Variants in PDE1C observed in about 807,000 individuals in gnomAD.
PDE1C encodes the protein dual specificity calcium/calmodulin-dependent 3',5'-cyclic nucleotide phosphodiesterase 1C.
PDE1C carries 62 observed loss-of-function variants against 93.1 expected under a neutral mutation model. The ratio of observed to expected loss-of-function variants is 0.67; its 90% CI spans 0.54 to 0.82. The LOEUF is 0.82. Among genes scored for constraint, PDE1C ranks in the 40% least tolerant of loss-of-function variants. The probability of loss-of-function intolerance (pLI) is 0.00; values close to 1 mark genes in which losing one functional copy is unlikely to be tolerated. For missense variants in PDE1C, 742 were observed against 884.6 expected, an observed-to-expected ratio of 0.84 and a Z score of 2.04; for synonymous variants, 325 against 310.1, an observed-to-expected ratio of 1.05 and a Z score of -0.50.
intron 7 of PDE1C, among the ~76,000 whole-genome samples, chr7:31,853,671 G>A (rs928018353): frequency 1.5e-4 from 1 of 6,862 alleles, no homozygotes; most frequent in Non-Finnish European, 6.0e-3. Flanking sequence ...GAGGAGAGAA[G>A]GGAGATAAAA....
intron 1 of PDE1C, among the ~76,000 whole-genome samples, chr7:32,060,607 A>G (rs1395365389): frequency 6.6e-6 from 1 of 152,246 alleles, no homozygotes; most frequent in African/African-American, 2.4e-5. Context: ...TCTTCTGTCA[A>G]CTGAAATCAG....
At chr7:32,397,371 G>A (rs569801469) in intron 1 of PDE1C, among the ~76,000 whole-genome samples, 33 of 152,038 alleles carry the variant, frequency 2.2e-4, no homozygotes, top group African/African-American at 6.5e-4. Context: ...TAACTACCCC[G>A]AGATACCATT....
At chr7:31,771,971 G>T (rs1795514193) in intron 17 of PDE1C, among the ~76,000 whole-genome samples, 6 of 151,868 alleles carry the variant, frequency 4.0e-5, no homozygotes, top group Admixed American at 2.6e-4. Flanking sequence ...GCGTGAACCT[G>T]GGAGGCGGAG....
chr7:32,385,520 A>G (rs540302426), intron 1 of PDE1C, among the ~76,000 whole-genome samples: 1 of 152,294 alleles, frequency 6.6e-6, no homozygotes, highest in African/African-American at 2.4e-5. Flanking sequence ...ACAAGCAAGC[A>G]TGATTGGGAC....
intron 2 of PDE1C, among the ~76,000 whole-genome samples, chr7:31,915,873 T>A (rs1345717131): frequency 6.6e-6 from 1 of 152,156 alleles, no homozygotes; most frequent in Non-Finnish European, 1.5e-5. Flanking sequence ...AGACTTGTAT[T>A]TTTTTATGAT....
intron 13 of PDE1C, among the ~76,000 whole-genome samples, chr7:31,823,533 A>C (rs186305010): frequency 6.0e-4 from 91 of 152,140 alleles, no homozygotes; most frequent in African/African-American, 2.1e-3. Context: ...GAATCCCCTC[A>C]TGTGAATTTT....
chr7:32,047,138 T>C (rs528905013), intron 2 of PDE1C, among the ~76,000 whole-genome samples: 3 of 151,660 alleles, frequency 2.0e-5, no homozygotes, highest in Admixed American at 1.3e-4. Context: ...TCAGCTCTGA[T>C]AGCAATTCCT....
rs552639097 is a variant in PDE1C, at chr7:32,258,306, C to T, written c.85+40345G>A. ...TCTCGGAATTAACTTATATCCTAGC[C>T]AAAGGTGTAGCACATTATAGGCATT... On this transcript the variant is annotated intron_variant, in intron 1 of 18. Transcript: ENST00000396193. 2.0e-5 allele frequency among the ~76,000 whole-genome samples: 3 copies of T among 152,254 alleles called. No individual in the cohort carries two copies. In the South Asian group the frequency reaches 6.2e-4, roughly 32 times the overall value.
chr7:31,617,859 A>AGAGAGTTACTT, the PDE1C span, among the ~76,000 whole-genome samples: 1 of 152,222 alleles, frequency 6.6e-6, no homozygotes, highest in African/African-American at 2.4e-5. Context: ...CCTATTAAGA[A>AGAGAGTTACTT]GAGAGTTACT....
chr7:32,085,783 G>A (rs1797032022), intron 3 of PDE1C, among the ~76,000 whole-genome samples: 1 of 151,544 alleles, frequency 6.6e-6, no homozygotes, highest in African/African-American at 2.4e-5. Context: ...TGCAGAAAAG[G>A]CCTTTGACAA....
At chr7:32,420,124 TACACACACACACACACACAC>T (rs1156625491) in intron 1 of PDE1C, among the ~76,000 whole-genome samples, 91 of 13,052 alleles carry the variant, frequency 7.0e-3, no homozygotes, top group Middle Eastern at 0.038. Context: ...TATATATATA[TACACACACACACACACACAC>T]ACACACACAC....
chr7:32,192,378 A>G (rs1804293126), intron 2 of PDE1C, among the ~76,000 whole-genome samples: 1 of 152,136 alleles, frequency 6.6e-6, no homozygotes, highest in African/African-American at 2.4e-5. Flanking sequence ...TTTAATGTGT[A>G]AGACAGGTCA....
At chr7:32,371,265 C>G (rs1374079800) in intron 1 of PDE1C, among the ~76,000 whole-genome samples, 1 of 152,192 alleles carries the variant, frequency 6.6e-6, no homozygotes, top group Non-Finnish European at 1.5e-5. Flanking sequence ...ACTCAAATAT[C>G]ACTTCCTCAG....
chr7:32,243,524 A>G (rs1808691462), intron 1 of PDE1C, among the ~76,000 whole-genome samples: 1 of 152,218 alleles, frequency 6.6e-6, no homozygotes, highest in South Asian at 2.1e-4. Flanking sequence ...CAAACTGCAC[A>G]CCAGACATCA....
chr7:32,275,783 C>T (rs1462332577), intron 1 of PDE1C, among the ~76,000 whole-genome samples: 15 of 152,112 alleles, frequency 9.9e-5, no homozygotes, highest in East Asian at 1.9e-4. Flanking sequence ...CATTTATGCA[C>T]ACACTCCCAA....
chr7:31,926,256 A>T (rs1168618857), intron 2 of PDE1C, among the ~76,000 whole-genome samples: 1 of 152,288 alleles, frequency 6.6e-6, no homozygotes, highest in Admixed American at 6.5e-5. Flanking sequence ...CTGTGAAATA[A>T]AATGTTTTCC....
chr7:32,181,364 T>A (rs1803406957), intron 2 of PDE1C, among the ~76,000 whole-genome samples: 2 of 152,122 alleles, frequency 1.3e-5, no homozygotes, highest in South Asian at 4.1e-4. Context: ...AGCACCACAC[T>A]GCACTTATTC....
intron 2 of PDE1C, among the ~76,000 whole-genome samples, chr7:31,998,011 T>TTA (rs1029194911): frequency 2.0e-4 from 19 of 95,472 alleles, no homozygotes; most frequent in Admixed American, 4.6e-4. Flanking sequence ...TTATTTTATT[T>TTA]TTATTTATTT....
chr7:32,390,725 T>C lies in PDE1C; in HGVS notation c.310+37097A>G, dbSNP rs574382746. Among the ~76,000 whole-genome samples, 4 of 152,028 alleles carry C rather than the reference T, an allele frequency of 2.6e-5. No homozygotes were observed. The South Asian group carries it at 8.3e-4, about 32-fold the overall frequency. ...AGCCCTGCATGGTGGTGCAGACCTG[T>C]AGTCCCAGCTACTCGGGAGGCTGAG... On this transcript the variant is annotated intron_variant, in intron 1 of 1. Coordinates refer to the PDE1C transcript ENST00000672256.
Sources: allele counts gnomAD v4.1 joint callset (sites outside exome capture counted in the v4.1 genomes callset), GRCh38; gene constraint gnomAD v4.1.1; transcripts MANE v1.5; gene names NCBI Gene and HGNC (gene_info 2026-07-23, HGNC 2026-07-21).